Variants in PAPPA observed in about 807,000 individuals in gnomAD.
PAPPA encodes the protein pappalysin-1.
PAPPA carries 60 observed loss-of-function variants against 164.0 expected under a neutral mutation model. The ratio of observed to expected loss-of-function variants is 0.37; its 90% CI spans 0.30 to 0.45. The LOEUF (loss-of-function observed/expected upper bound fraction) is 0.45, where lower values mean the gene tolerates loss of function less well. PAPPA is among the 20% of genes least tolerant of loss of function. PAPPA has a pLI of 1.00. For missense variants in PAPPA, 1,782 were observed against 2,087.3 expected (o/e 0.85, Z 2.85); for synonymous variants, 875 against 814.1 (o/e 1.07, Z -1.27).
chr9:116,362,040 T>A (rs1846433932), intron 17 of PAPPA, among the ~76,000 whole-genome samples: 1 of 151,844 alleles, frequency 6.6e-6, no homozygotes, highest in African/African-American at 2.4e-5. Context: ...TGGAATAGAA[T>A]GGAATGGAAT....
At chr9:116,251,210 G>C (rs1167944347) in intron 7 of PAPPA, among the ~76,000 whole-genome samples, 1 of 152,196 alleles carries the variant, frequency 6.6e-6, no homozygotes, top group African/African-American at 2.4e-5. Context: ...GTTTTGATGA[G>C]TTAAGTGTAA....
chr9:116,193,701 T>C (rs1172737494), intron 2 of PAPPA, among the ~76,000 whole-genome samples: 1 of 152,198 alleles, frequency 6.6e-6, no homozygotes, highest in Non-Finnish European at 1.5e-5. Context: ...TAAGACACCT[T>C]AGTATCCAGA....
rs183097115 is a variant in PAPPA at position 116,346,541 on chromosome 9, C to A, written c.3781-485C>A. ...GCCATGGAGAGTGCCTACTGTGTGCCAAACACTACAACAAGTTCCTAGTAA... is the reference window on the plus strand; with the variant it reads ...GCCATGGAGAGTGCCTACTGTGTGCAAAACACTACAACAAGTTCCTAGTAA... On this transcript the variant is annotated intron_variant, in intron 14 of 21. Transcript: ENST00000328252. Among the ~76,000 whole-genome samples the A allele has an allele frequency of 1.5e-3, 227 of 152,236 alleles. 1 individual carries two copies. Among genetic ancestry groups the A allele is most frequent in the Middle Eastern group, 0.014 (4 of 294 alleles).
intron 5 of PAPPA, among the ~76,000 whole-genome samples, chr9:116,223,844 A>C (rs1844473692): frequency 6.6e-6 from 1 of 152,196 alleles, no homozygotes; most frequent in Non-Finnish European, 1.5e-5. Flanking sequence ...ACCTTGAGCA[A>C]AGCCATCTCA....
At chr9:116,182,076 A>G (rs564089715) in intron 1 of PAPPA, among the ~76,000 whole-genome samples, 30 of 152,290 alleles carry the variant, frequency 2.0e-4, no homozygotes, top group Non-Finnish European at 4.0e-4. Context: ...GGGTGTGGGA[A>G]TTCTATAGAC....
chr9:116,364,382 C>T (rs1315801287), intron 18 of PAPPA, among the ~76,000 whole-genome samples: 2 of 152,194 alleles, frequency 1.3e-5, no homozygotes, highest in Non-Finnish European at 2.9e-5. Flanking sequence ...TACATTCACA[C>T]GTGCATACAT....
chr9:116,357,286 C>T (rs1846366557), intron 17 of PAPPA, among the ~76,000 whole-genome samples: 1 of 152,228 alleles, frequency 6.6e-6, no homozygotes, highest in Admixed American at 6.5e-5. Context: ...GGCAAATAGC[C>T]ATACTTATAC....
intron 4 of PAPPA, among the ~76,000 whole-genome samples, chr9:116,217,096 C>T (rs1844383282): frequency 6.6e-6 from 1 of 152,142 alleles, no homozygotes; most frequent in South Asian, 2.1e-4. Context: ...GTTCCATCAC[C>T]TACCCATTTT....
intron 21 of PAPPA, 134 bp from the exon 22 acceptor site, chr9:116,396,375 G>A: frequency 2.9e-6 from 2 of 696,628 alleles, no homozygotes; most frequent in Non-Finnish European, 5.2e-6. Flanking sequence ...CACCAGGATA[G>A]CAAGAAGCAG....
intron 9 of PAPPA, among the ~76,000 whole-genome samples, chr9:116,284,649 G>A (rs1845310287): frequency 7.2e-6 from 1 of 139,670 alleles, no homozygotes; most frequent in African/African-American, 2.7e-5. Flanking sequence ...CACAAAGCTT[G>A]CCATCTTTCT....
chr9:116,356,901 G>C (rs1846361621), intron 17 of PAPPA, among the ~76,000 whole-genome samples: 1 of 152,182 alleles, frequency 6.6e-6, no homozygotes, highest in Non-Finnish European at 1.5e-5. Flanking sequence ...CATGGCACCT[G>C]TATACCCATG....
intron 6 of PAPPA, among the ~76,000 whole-genome samples, chr9:116,228,154 C>G (rs368445024): frequency 6.6e-6 from 1 of 152,200 alleles, no homozygotes; most frequent in Non-Finnish European, 1.5e-5. Context: ...ACCAAGGAAC[C>G]AATGATCTCT....
At chr9:116,226,618 CAGG>C (rs1844513850) in intron 5 of PAPPA, among the ~76,000 whole-genome samples, 1 of 152,204 alleles carries the variant, frequency 6.6e-6, no homozygotes, top group African/African-American at 2.4e-5. Context: ...CACAATAAGA[CAGG>C]AGAAGAGGAC....
Position 116,352,944 on chromosome 9 carries a change from T to C in PAPPA, c.4175+28T>C, listed in dbSNP as rs1228161810. 3.8e-6 allele frequency: 6 copies of C among 1,562,158 alleles called. No individual in the cohort carries two copies. In the African/African-American group the frequency reaches 4.1e-5, roughly 11 times the overall value. On this transcript the variant is annotated intron_variant, in intron 16 of 21. Coordinates refer to ENST00000328252, the MANE Select transcript of PAPPA (RefSeq NM_002581.5). The stretch of plus-strand genomic sequence containing the variant: ...AAGTGGGGTTGGAAATGCAAACTTA[T>C]GGTCTCTGGGAGGACAAGAGTTAGG...
rs778821270 is a variant in PAPPA at position 116,235,545 on chromosome 9, G to A, written c.2640G>A (p.Gln880=). ...CTGCAGACACCCCACTCTGTCTACA[G>A]TGTAAGCCCCTGAAGTATAAGGTGG... ...TSTADTPLCL[Q]CKPLKYKVVR... Residue 880 remains glutamine (Q), a synonymous_variant, in exon 7 of 22, where the codon CAG becomes CAA. Coordinates refer to ENST00000328252, the MANE Select transcript of PAPPA (RefSeq NM_002581.5). The A allele has an allele frequency of 2.5e-6, 4 of 1,613,720 alleles. No individual in the cohort carries two copies. The South Asian group carries it at 4.4e-5, about 18-fold the overall frequency.
At chr9:116,369,640 C>T (rs1846546882) in intron 19 of PAPPA, among the ~76,000 whole-genome samples, 1 of 152,126 alleles carries the variant, frequency 6.6e-6, no homozygotes, top group South Asian at 2.1e-4. Flanking sequence ...CTTTTTCCTA[C>T]CCCCTGGGCA....
chr9:116,298,747 G>A (rs1365882695), intron 9 of PAPPA, among the ~76,000 whole-genome samples: 1 of 152,198 alleles, frequency 6.6e-6, no homozygotes, highest in African/African-American at 2.4e-5. Flanking sequence ...AAGTGTGTAT[G>A]TGTGCACATG....
intron 9 of PAPPA, among the ~76,000 whole-genome samples, chr9:116,274,131 TG>T (rs1845169156): frequency 8.1e-6 from 1 of 123,212 alleles, no homozygotes; most frequent in Admixed American, 8.4e-5. Flanking sequence ...TCAGGGTGAA[TG>T]AAAAAAAAAC....
intron 10 of PAPPA, among the ~76,000 whole-genome samples, chr9:116,304,385 CCTCT>C (rs1333585212): frequency 6.6e-6 from 1 of 152,212 alleles, no homozygotes. Context: ...TCACGCATTG[CCTCT>C]CTATCACATA....
Sources: gnomAD v4.1 joint callset for allele counts (sites outside exome capture counted in the v4.1 genomes callset) on GRCh38, gnomAD v4.1.1 for gene constraint, MANE v1.5 for transcripts, NCBI Gene and HGNC (gene_info 2026-07-23, HGNC 2026-07-21) for gene names.